The following PHACTR1 variants were observed in gnomAD, a reference collection of about 807,000 sequenced individuals.
The protein encoded by PHACTR1 is phosphatase and actin regulator 1, also known as RPEL repeat containing 1.
A neutral mutation model predicts 69.2 loss-of-function variants in PHACTR1; 16 were observed. The ratio of observed to expected loss-of-function variants is 0.23; its 90% CI spans 0.16 to 0.35. The LOEUF is 0.35. Ranked by LOEUF, PHACTR1 falls within the 10% of genes least tolerant of loss-of-function variation. PHACTR1 has a pLI of 1.00. For missense variants in PHACTR1, 510 were observed against 734.7 expected (o/e 0.69, Z 3.54); for synonymous variants, 312 against 284.5 (o/e 1.10, Z -0.97).
intron 4 of PHACTR1, among the ~76,000 whole-genome samples, chr6:13,020,532 A>G (rs1027455171): frequency 6.6e-6 from 1 of 152,190 alleles, no homozygotes; most frequent in Admixed American, 6.5e-5. Context: ...CCAGCAGGTC[A>G]TGTAGGACAA....
At chr6:12,847,192 T>C (rs541232091) in intron 4 of PHACTR1, among the ~76,000 whole-genome samples, 1 of 152,324 alleles carries the variant, frequency 6.6e-6, no homozygotes, top group Non-Finnish European at 1.5e-5. Context: ...GTCTTCATAG[T>C]TGTAGGTAAT....
chr6:12,732,018 A>G (rs988515950), intron 3 of PHACTR1, among the ~76,000 whole-genome samples: 3 of 149,880 alleles, frequency 2.0e-5, no homozygotes, highest in Admixed American at 2.0e-4. Context: ...AAATGGAATG[A>G]TGGGGCCTCT....
chr6:13,001,364 C>A (rs1021081950), intron 4 of PHACTR1, among the ~76,000 whole-genome samples: 4 of 152,066 alleles, frequency 2.6e-5, no homozygotes, highest in Non-Finnish European at 5.9e-5. Flanking sequence ...GCACTGTATT[C>A]GGAGGAAGTG....
At chr6:13,265,873 G>A (rs1429008561) in intron 10 of PHACTR1, among the ~76,000 whole-genome samples, 2 of 151,930 alleles carry the variant, frequency 1.3e-5, no homozygotes, top group East Asian at 1.9e-4. Flanking sequence ...CTAAGCCCTC[G>A]CCTCTTCCCA....
intron 10 of PHACTR1, chr6:13,230,421 C>T (rs2127328917): frequency 1.0e-6 from 1 of 986,456 alleles, no homozygotes; most frequent in Admixed American, 3.0e-5. Flanking sequence ...GCATGGTGGC[C>T]TGTAGTCCCA....
chr6:12,873,108 C>G (rs1339416241), intron 4 of PHACTR1, among the ~76,000 whole-genome samples: 1 of 152,024 alleles, frequency 6.6e-6, no homozygotes, highest in Non-Finnish European at 1.5e-5. Flanking sequence ...AACTCCTGGG[C>G]TCAAGTGATC....
chr6:13,258,267 AT>A (rs1176237165), intron 10 of PHACTR1, among the ~76,000 whole-genome samples: 1 of 151,244 alleles, frequency 6.6e-6, no homozygotes, highest in Non-Finnish European at 1.5e-5. Flanking sequence ...AGGCAGGAGG[AT>A]TGCTTGAACC....
chr6:13,131,408 G>C (rs538103569), intron 5 of PHACTR1, among the ~76,000 whole-genome samples: 65 of 152,108 alleles, frequency 4.3e-4, no homozygotes, highest in African/African-American at 1.5e-3. Flanking sequence ...AGGATGCAAA[G>C]GCATAAGAAT....
At chr6:12,881,690 C>T (rs921032544) in intron 4 of PHACTR1, among the ~76,000 whole-genome samples, 5 of 152,058 alleles carry the variant, frequency 3.3e-5, no homozygotes, top group Admixed American at 6.5e-5. Context: ...CTGTTGCCCA[C>T]GGAATCTCTA....
At position 12,933,896 on chromosome 6, in the gene PHACTR1, G is replaced by T. The variant is rs759463640; in HGVS notation, c.251-119469G>T. 3.1e-6 allele frequency: 5 copies of T among 1,611,976 alleles called. No individual in the cohort carries two copies. In the Admixed American group the frequency reaches 6.7e-5, roughly 22 times the overall value. ...AGAGGGGGAAGAGTTTGGCTGAGAG[G>T]ACATTTACTCTTTGGTCCATATGGG... On this transcript the variant is annotated intron_variant, in intron 4 of 14. Coordinates refer to ENST00000332995, the MANE Select transcript of PHACTR1 (RefSeq NM_030948.6).
At chr6:12,869,785 T>G (rs1389364494) in intron 4 of PHACTR1, among the ~76,000 whole-genome samples, 2 of 152,252 alleles carry the variant, frequency 1.3e-5, no homozygotes, top group Non-Finnish European at 2.9e-5. Context: ...CTCTTTTTGG[T>G]ACTTAGCACA....
At chr6:12,852,195 A>G (rs1046988686) in intron 4 of PHACTR1, among the ~76,000 whole-genome samples, 2 of 152,182 alleles carry the variant, frequency 1.3e-5, no homozygotes, top group African/African-American at 4.8e-5. Flanking sequence ...TAAGAGAAAT[A>G]ATTGTGAAGC....
chr6:12,794,746 A>C (rs779977070), intron 4 of PHACTR1, among the ~76,000 whole-genome samples: 1 of 152,306 alleles, frequency 6.6e-6, no homozygotes, highest in East Asian at 1.9e-4. Flanking sequence ...CTCAGCAGAC[A>C]CATGTGGTGT....
intron 4 of PHACTR1, among the ~76,000 whole-genome samples, chr6:12,757,297 G>A (rs1362997396): frequency 6.6e-6 from 1 of 152,156 alleles, no homozygotes; most frequent in African/African-American, 2.4e-5. Context: ...GGCATGGCAA[G>A]GAGACCGGTG....
intron 7 of PHACTR1, 77 bp downstream of exon 7, chr6:13,182,763 G>A (rs3823445): frequency 0.29 from 404,190 of 1,403,846 alleles, 62,194 homozygotes; most frequent in East Asian, 0.53. Context: ...TGGCCTGGCT[G>A]GACTTGGAAT....
chr6:13,205,951 C>A lies in PHACTR1; in HGVS notation c.801C>A (p.Gly267=). ...TGTCCTACACAGCCCAGAAGAGTGG[C>A]CAGCAGGGTGTGGCCCAGCACCACC... The part of the protein sequence containing the change: ...SLVSYTAQKS[G]QQGVAQHHHT... Residue 267 remains glycine (G), a synonymous_variant, in exon 8 of 15, where the codon GGC becomes GGA. Transcript: ENST00000332995. 1 of 1,613,994 alleles carries A rather than the reference C, an allele frequency of 6.2e-7. No individual in the cohort carries two copies. Among genetic ancestry groups the A allele is most frequent in the South Asian group, 1.1e-5 (1 of 91,076 alleles).
chr6:13,067,337 A>G (rs1156984747), intron 5 of PHACTR1, among the ~76,000 whole-genome samples: 1 of 152,218 alleles, frequency 6.6e-6, no homozygotes, highest in Non-Finnish European at 1.5e-5. Flanking sequence ...AGTCTTCTCA[A>G]ATATATCGCA....
intron 4 of PHACTR1, among the ~76,000 whole-genome samples, chr6:12,959,460 A>G (rs1309555913): frequency 6.6e-6 from 1 of 152,178 alleles, no homozygotes; most frequent in African/African-American, 2.4e-5. Flanking sequence ...AGCATAACAA[A>G]GTTTTTCACT....
At chr6:12,827,699 AT>A (rs1776956635) in intron 4 of PHACTR1, among the ~76,000 whole-genome samples, 1 of 152,220 alleles carries the variant, frequency 6.6e-6, no homozygotes, top group Non-Finnish European at 1.5e-5. Context: ...AAAATCTAGT[AT>A]TTTTGTGGAA....
Sources: gnomAD v4.1 joint callset for allele counts (sites outside exome capture counted in the v4.1 genomes callset) on GRCh38, gnomAD v4.1.1 for gene constraint, MANE v1.5 for transcripts, NCBI Gene and HGNC (gene_info 2026-07-23, HGNC 2026-07-21) for gene names.